Variants in TMEM132D observed in about 807,000 individuals in gnomAD.
The protein encoded by TMEM132D is transmembrane protein 132D, also known as mature OL transmembrane protein.
TMEM132D carries 21 observed loss-of-function variants against 62.3 expected under a neutral mutation model. That is an observed-to-expected ratio of 0.34 (90% CI 0.24 to 0.49). The LOEUF is 0.49. TMEM132D is among the 20% of genes least tolerant of loss of function. The pLI is 0.99. For missense variants in TMEM132D, 1,346 were observed against 1,402.8 expected, an observed-to-expected ratio of 0.96 and a Z score of 0.65; for synonymous variants, 621 against 575.6, an observed-to-expected ratio of 1.08 and a Z score of -1.13.
At chr12:129,326,933 A>G (rs1188020081) in intron 4 of TMEM132D, among the ~76,000 whole-genome samples, 1 of 152,206 alleles carries the variant, frequency 6.6e-6, no homozygotes, top group Non-Finnish European at 1.5e-5. Flanking sequence ...ACAGCACCGT[A>G]AGTCATAATG....
intron 3 of TMEM132D, among the ~76,000 whole-genome samples, chr12:129,357,394 GGAAC>G (rs761500042): frequency 2.0e-5 from 3 of 147,340 alleles, no homozygotes; most frequent in Non-Finnish European, 3.0e-5. Flanking sequence ...AGGGAAGGAA[GGAAC>G]GAAGGAAGGA....
chr12:129,271,481 T>G (rs1287167569), intron 4 of TMEM132D, among the ~76,000 whole-genome samples: 1 of 151,670 alleles, frequency 6.6e-6, no homozygotes, highest in Non-Finnish European at 1.5e-5. Context: ...CCAGGGTGGT[T>G]TGCTGCATCC....
intron 2 of TMEM132D, among the ~76,000 whole-genome samples, chr12:129,541,968 A>G (rs892507489): frequency 9.2e-5 from 14 of 152,214 alleles, no homozygotes; most frequent in Non-Finnish European, 7.3e-5. Flanking sequence ...ACAAACAAAA[A>G]CAAAGCAAAA....
At chr12:129,117,296 T>C (rs968685082) in intron 5 of TMEM132D, among the ~76,000 whole-genome samples, 2 of 151,842 alleles carry the variant, frequency 1.3e-5, no homozygotes, top group African/African-American at 2.4e-5. Context: ...AATGAATAGA[T>C]GGAGAAGAGG....
chr12:129,451,159 C>CA (rs112004911), intron 3 of TMEM132D, among the ~76,000 whole-genome samples: 8,725 of 152,224 alleles, frequency 0.057, 565 homozygotes, highest in African/African-American at 0.15. Context: ...GCTGCCCTCT[C>CA]AGAAATGCTC....
At chr12:129,839,166 C>T (rs1431239338) in intron 1 of TMEM132D, among the ~76,000 whole-genome samples, 2 of 89,092 alleles carry the variant, frequency 2.2e-5, no homozygotes, top group Non-Finnish European at 4.4e-5. Flanking sequence ...GAATCTCGCA[C>T]TGTCGCCTGG....
intron 2 of TMEM132D, among the ~76,000 whole-genome samples, chr12:129,657,606 C>T (rs983810457): frequency 6.6e-6 from 1 of 152,194 alleles, no homozygotes; most frequent in Non-Finnish European, 1.5e-5. Flanking sequence ...GGCAACAATG[C>T]CTTGCAGTTT....
intron 4 of TMEM132D, among the ~76,000 whole-genome samples, chr12:129,307,010 C>T (rs1881861813): frequency 6.6e-6 from 1 of 151,488 alleles, no homozygotes; most frequent in South Asian, 2.1e-4. Context: ...ACTCAAACTG[C>T]CTCAAATATT....
chr12:129,556,871 G>A (rs930920706), intron 2 of TMEM132D, among the ~76,000 whole-genome samples: 1 of 152,192 alleles, frequency 6.6e-6, no homozygotes, highest in Non-Finnish European at 1.5e-5. Flanking sequence ...TTCTATTGGA[G>A]AGAAATGCTC....
intron 5 of TMEM132D, among the ~76,000 whole-genome samples, chr12:129,096,206 C>T (rs1406321062): frequency 6.6e-6 from 1 of 152,148 alleles, no homozygotes; most frequent in Admixed American, 6.5e-5. Context: ...GATTAGGTGA[C>T]TTATTAAAGT....
intron 4 of TMEM132D, among the ~76,000 whole-genome samples, chr12:129,236,081 A>G (rs1450934023): frequency 1.3e-5 from 2 of 149,330 alleles, no homozygotes; most frequent in Non-Finnish European, 3.0e-5. Context: ...GTTTATTCCA[A>G]ATAATTTTAT....
At chr12:129,182,796 T>G (rs1878105053) in intron 5 of TMEM132D, among the ~76,000 whole-genome samples, 1 of 152,252 alleles carries the variant, frequency 6.6e-6, no homozygotes, top group Non-Finnish European at 1.5e-5. Flanking sequence ...ATCTTCCAGT[T>G]GTTTATCTGC....
In TMEM132D at chr12:129,073,680, T is replaced by G. The variant is rs1260468756; in HGVS notation, c.*195A>C. 2 of 513,842 alleles carry G rather than the reference T, an allele frequency of 3.9e-6. No homozygotes were observed. Among genetic ancestry groups the G allele is most frequent in the Non-Finnish European group, 6.8e-6 (2 of 295,240 alleles). The allele number at this position is 513,842 out of a possible 1,614,324, so 31.8% of individuals were successfully genotyped here. A position where few individuals can be genotyped will look rare whatever the true frequency, so the allele number is the denominator to read the frequency against. ...ATGATAAACCTCTTAAGCAAGACAC[T>G]GTACTCTGGAATGTGTGCGTCGATG... On this transcript the variant is annotated 3_prime_UTR_variant, in exon 9 of 9. Coordinates refer to ENST00000422113, the MANE Select transcript of TMEM132D (RefSeq NM_133448.3).
At chr12:129,120,919 C>T (rs896988053) in intron 5 of TMEM132D, among the ~76,000 whole-genome samples, 2 of 151,640 alleles carry the variant, frequency 1.3e-5, no homozygotes, top group African/African-American at 4.8e-5. Context: ...AATAAAAATG[C>T]TGATAAAAAA....
At chr12:129,496,365 G>T (rs889549608) in intron 3 of TMEM132D, among the ~76,000 whole-genome samples, 2 of 152,118 alleles carry the variant, frequency 1.3e-5, no homozygotes, top group African/African-American at 4.8e-5. Context: ...AGAGCAATGG[G>T]CAGGATATCT....
intron 3 of TMEM132D, among the ~76,000 whole-genome samples, chr12:129,473,318 GTTTTTGT>G (rs1251911575): frequency 8.7e-5 from 5 of 57,760 alleles, no homozygotes; most frequent in South Asian, 1.4e-3. Flanking sequence ...AGTGATTTTA[GTTTTTGT>G]TTTTTTTTTT....
intron 4 of TMEM132D, among the ~76,000 whole-genome samples, chr12:129,319,007 G>A (rs1167579349): frequency 6.6e-6 from 1 of 152,166 alleles, no homozygotes; most frequent in Admixed American, 6.5e-5. Flanking sequence ...GGCGGAGGGT[G>A]AGATGGCTTG....
intron 2 of TMEM132D, among the ~76,000 whole-genome samples, chr12:129,685,694 C>A (rs1196165708): frequency 6.6e-6 from 1 of 152,128 alleles, no homozygotes; most frequent in Admixed American, 6.6e-5. Context: ...AGAAGACCAC[C>A]AACAGCTTCT....
At chr12:129,130,955 G>C (rs1242070339) in intron 5 of TMEM132D, among the ~76,000 whole-genome samples, 1 of 152,170 alleles carries the variant, frequency 6.6e-6, no homozygotes, top group East Asian at 1.9e-4. Context: ...CCCATTCCCA[G>C]AGGTTCTGAT....
Sources: gnomAD v4.1 joint callset for allele counts (sites outside exome capture counted in the v4.1 genomes callset) on GRCh38, gnomAD v4.1.1 for gene constraint, MANE v1.5 for transcripts, NCBI Gene and HGNC (gene_info 2026-07-23, HGNC 2026-07-21) for gene names.